Variants in KAZN observed in about 807,000 individuals in gnomAD.
KAZN encodes the protein kazrin.
KAZN carries 40 observed loss-of-function variants against 87.4 expected under a neutral mutation model. The ratio of observed to expected loss-of-function variants is 0.46; its 90% CI spans 0.36 to 0.60. The LOEUF is 0.60. KAZN is among the 20% of genes least tolerant of loss of function. KAZN has a pLI of 0.00. For missense variants in KAZN, 898 were observed against 1,073.9 expected (o/e 0.84, Z 2.29); for synonymous variants, 466 against 458.3 (o/e 1.02, Z -0.22).
chr1:14,676,755 A>G (rs1640246426), intron 1 of KAZN, among the ~76,000 whole-genome samples: 1 of 152,162 alleles, frequency 6.6e-6, no homozygotes, highest in Non-Finnish European at 1.5e-5. Context: ...AGGCAAATCC[A>G]TAGAGTTGGA....
intron 2 of KAZN, among the ~76,000 whole-genome samples, chr1:14,199,757 A>G (rs1646601967): frequency 6.6e-6 from 1 of 152,212 alleles, no homozygotes; most frequent in Admixed American, 6.5e-5. Context: ...AGACATATTC[A>G]GAAATTAAGG....
In KAZN at chr1:15,101,721, G is replaced by C. The variant is rs768771090; in HGVS notation, c.1726G>C (p.Val576Leu). 2 of 1,594,478 alleles carry C rather than the reference G, an allele frequency of 1.3e-6. No individual in the cohort carries two copies. Among genetic ancestry groups the C allele is most frequent in the South Asian group, 2.3e-5 (2 of 87,336 alleles). Residue 576 changes from valine to leucine, a missense_variant, in exon 11 of 15, where the codon GTC becomes CTC. Physicochemically the swap from Val to Leu is conservative, Grantham distance 32 (BLOSUM62 1). Around this residue, in one of 3 missense-constraint regions of KAZN, gnomAD observed 521 missense variants for 689.4 expected, o/e 0.76. Transcript: ENST00000376030. ...HLNVSKKFHQ[V>L]SILLGIELLY... ...GAACGTGTCCAAGAAGTTCCACCAGGTCAGCATCCTGCTGGGGATCGAGCT... is the reference window on the plus strand; with the variant it reads ...GAACGTGTCCAAGAAGTTCCACCAGCTCAGCATCCTGCTGGGGATCGAGCT...
intron 1 of KAZN, among the ~76,000 whole-genome samples, chr1:14,651,093 C>A (rs1168507926): frequency 6.6e-6 from 1 of 152,202 alleles, no homozygotes; most frequent in Non-Finnish European, 1.5e-5. Context: ...AAGATAAAAT[C>A]GTTTGCTCTC....
chr1:15,063,363 G>A, intron 6 of KAZN: 1 of 589,904 alleles, frequency 1.7e-6, no homozygotes, highest in South Asian at 2.0e-5. Flanking sequence ...GAGGACCCCA[G>A]GAACTCTAGG....
chr1:14,108,257 C>G (rs1407581897), intron 1 of KAZN, among the ~76,000 whole-genome samples: 2 of 152,022 alleles, frequency 1.3e-5, no homozygotes, highest in African/African-American at 2.4e-5. Context: ...CCACCTCCAC[C>G]AAGCCAGGGG....
At chr1:14,683,127 A>T (rs1557886982) in intron 1 of KAZN, among the ~76,000 whole-genome samples, 2 of 152,186 alleles carry the variant, frequency 1.3e-5, no homozygotes, top group Non-Finnish European at 1.5e-5. Flanking sequence ...GCTGAAAGCC[A>T]TTTAGACTCT....
intron 1 of KAZN, among the ~76,000 whole-genome samples, chr1:14,956,944 G>A (rs1020055743): frequency 2.0e-5 from 3 of 152,014 alleles, no homozygotes; most frequent in Non-Finnish European, 2.9e-5. Context: ...CTTTGCAGCC[G>A]CCTTTGCTCA....
At chr1:13,901,245 G>A (rs1432708658) in intron 1 of KAZN, among the ~76,000 whole-genome samples, 1 of 152,152 alleles carries the variant, frequency 6.6e-6, no homozygotes, top group South Asian at 2.1e-4. Flanking sequence ...CAGTATCAAC[G>A]TTCATTCTCA....
intron 2 of KAZN, among the ~76,000 whole-genome samples, chr1:14,440,241 G>A (rs928561535): frequency 2.0e-5 from 3 of 152,182 alleles, no homozygotes; most frequent in Non-Finnish European, 4.4e-5. Context: ...ACCTTGGCAG[G>A]AGGGTGATAT....
At chr1:14,636,619 C>T (rs796687831) in intron 1 of KAZN, among the ~76,000 whole-genome samples, 9 of 151,260 alleles carry the variant, frequency 6.0e-5, no homozygotes, top group African/African-American at 1.2e-4. Context: ...AAATAGGGAC[C>T]GTCATTTCCT....
At chr1:14,848,635 C>T (rs1352316351) in intron 1 of KAZN, among the ~76,000 whole-genome samples, 1 of 152,176 alleles carries the variant, frequency 6.6e-6, no homozygotes, top group African/African-American at 2.4e-5. Context: ...AACATCCACT[C>T]TTAAAGTCTG....
intron 2 of KAZN, among the ~76,000 whole-genome samples, chr1:14,527,205 T>C (rs745887154): frequency 6.6e-6 from 1 of 152,190 alleles, no homozygotes; most frequent in African/African-American, 2.4e-5. Context: ...CTTCCGGTCT[T>C]AGTCTATTTG....
intron 2 of KAZN, among the ~76,000 whole-genome samples, chr1:15,024,360 G>A (rs763442871): frequency 2.0e-5 from 3 of 152,246 alleles, no homozygotes; most frequent in Non-Finnish European, 4.4e-5. Flanking sequence ...GTCCCAGAGA[G>A]GATGGTGGGA....
chr1:14,353,337 G>GTA (rs1194864579), intron 2 of KAZN, among the ~76,000 whole-genome samples: 1 of 68,512 alleles, frequency 1.5e-5, no homozygotes, highest in Non-Finnish European at 2.8e-5. Context: ...CCATTCTCCT[G>GTA]CCTCAGCCTC....
intron 8 of KAZN, among the ~76,000 whole-genome samples, chr1:15,073,388 G>A (rs1012477456): frequency 2.0e-5 from 3 of 152,186 alleles, no homozygotes; most frequent in African/African-American, 7.2e-5. Flanking sequence ...GGCAGAGACT[G>A]AGGGTGGCAG....
chr1:14,807,961 T>C (rs1360898026), intron 1 of KAZN, among the ~76,000 whole-genome samples: 2 of 152,068 alleles, frequency 1.3e-5, no homozygotes, highest in Non-Finnish European at 2.9e-5. Context: ...ATGCCTTCTG[T>C]AGGCAGCTCA....
intron 2 of KAZN, chr1:14,390,867 G>T (rs1238366727): frequency 6.6e-6 from 1 of 152,556 alleles, no homozygotes. Context: ...ACATCCCAAA[G>T]GTTCCACCTC....
intron 2 of KAZN, among the ~76,000 whole-genome samples, chr1:14,206,527 A>G (rs929028728): frequency 6.6e-6 from 1 of 152,172 alleles, no homozygotes; most frequent in African/African-American, 2.4e-5. Context: ...TTTAGAGTCT[A>G]TGGTAACTAG....
intron 1 of KAZN, among the ~76,000 whole-genome samples, chr1:14,674,569 G>A (rs1048302359): frequency 6.6e-6 from 1 of 152,194 alleles, no homozygotes; most frequent in African/African-American, 2.4e-5. Flanking sequence ...CCACTCACCA[G>A]GACGAGTTAG....
Sources: allele counts gnomAD v4.1 joint callset (sites outside exome capture counted in the v4.1 genomes callset), GRCh38; gene constraint gnomAD v4.1.1; regional missense constraint gnomAD v4.1.1; transcripts MANE v1.5; gene names NCBI Gene and HGNC (gene_info 2026-07-23, HGNC 2026-07-21).